The following USP3 variants were observed in gnomAD, a reference collection of about 807,000 sequenced individuals.
The protein encoded by USP3 is ubiquitin specific peptidase 3.
USP3 carries 20 observed loss-of-function variants against 72.3 expected under a neutral mutation model. The observed-to-expected ratio is 0.28, with a 90% confidence interval of 0.19 to 0.40. USP3 has a LOEUF of 0.40. Among genes scored for constraint, USP3 ranks in the 10% least tolerant of loss-of-function variants. The pLI, the probability that USP3 is intolerant of heterozygous loss-of-function variation, is 1.00. For synonymous variants in USP3, 222 were observed against 225.3 expected (o/e 0.99, Z 0.13); for missense variants, 479 against 633.9 (o/e 0.76, Z 2.62).
At chr15:63,536,164 A>G (rs766169116) in intron 2 of USP3, among the ~76,000 whole-genome samples, 1 of 152,218 alleles carries the variant, frequency 6.6e-6, no homozygotes, top group Non-Finnish European at 1.5e-5. Flanking sequence ...ATCTTTGTCC[A>G]TGTAGAGAAA....
intron 9 of USP3, among the ~76,000 whole-genome samples, chr15:63,573,098 A>G (rs1485432915): frequency 1.3e-5 from 2 of 152,194 alleles, no homozygotes; most frequent in Non-Finnish European, 2.9e-5. Context: ...GTATGTCCAT[A>G]CTCTGACACA....
intron 1 of USP3, chr15:63,527,884 G>A (rs1237966737): frequency 2.0e-5 from 3 of 152,248 alleles, no homozygotes; most frequent in East Asian, 3.8e-4. Context: ...AAATGTTTAA[G>A]TGGTTTTAGG....
At chr15:63,578,448 CAA>C (rs760254496) in intron 11 of USP3, among the ~76,000 whole-genome samples, 3 of 131,652 alleles carry the variant, frequency 2.3e-5, no homozygotes, top group African/African-American at 5.6e-5. Flanking sequence ...ACTAAAAATA[CAA>C]AAAAAAAAAA....
intron 1 of USP3, among the ~76,000 whole-genome samples, chr15:63,519,745 C>G (rs1034562900): frequency 3.3e-5 from 5 of 152,134 alleles, no homozygotes; most frequent in Admixed American, 6.5e-5. Context: ...AGGATGATTG[C>G]AAGGTGATGA....
chr15:63,504,853 C>G lies in USP3; in HGVS notation c.91+23C>G, dbSNP rs372714700. 1.5e-5 allele frequency: 24 copies of G among 1,564,410 alleles called. 1 individual carries two copies. The highest frequency in any genetic ancestry group is 1.9e-4 in the Middle Eastern group (1 of 5,278). Reference sequence around the variant, plus strand: ...GCGGTGAGTGCGGCCACGGGCCGGCCCCGCAGCGCACCCGAGGCCGCGGCT... The same window carrying G: ...GCGGTGAGTGCGGCCACGGGCCGGCGCCGCAGCGCACCCGAGGCCGCGGCT... On this transcript the variant is annotated intron_variant, in intron 1 of 14. Transcript: ENST00000380324.
At chr15:63,520,212 C>A (rs1233207278) in intron 1 of USP3, among the ~76,000 whole-genome samples, 1 of 152,098 alleles carries the variant, frequency 6.6e-6, no homozygotes, top group Non-Finnish European at 1.5e-5. Context: ...TATACTGATA[C>A]CTACAATTTC....
intron 1 of USP3, among the ~76,000 whole-genome samples, chr15:63,524,025 A>G (rs2065949260): frequency 1.3e-5 from 2 of 152,246 alleles, no homozygotes; most frequent in South Asian, 2.1e-4. Context: ...TTCTATGGAA[A>G]TAGTGCTTTT....
intron 8 of USP3, among the ~76,000 whole-genome samples, chr15:63,567,168 C>G (rs2066703540): frequency 6.6e-6 from 1 of 152,130 alleles, no homozygotes; most frequent in South Asian, 2.1e-4. Context: ...TTTTCACACT[C>G]AAGCAGGTGC....
At chr15:63,527,438 G>C (rs1470687742) in intron 1 of USP3, among the ~76,000 whole-genome samples, 1 of 152,204 alleles carries the variant, frequency 6.6e-6, no homozygotes, top group East Asian at 1.9e-4. Context: ...TGGCTTACCT[G>C]TCAGTGCCAT....
At chr15:63,513,454 G>A (rs1286143579) in intron 1 of USP3, among the ~76,000 whole-genome samples, 2 of 152,074 alleles carry the variant, frequency 1.3e-5, no homozygotes, top group Non-Finnish European at 2.9e-5. Flanking sequence ...GTCATAGCTC[G>A]TTACAGCCTG....
At position 63,544,242 on chromosome 15, in the gene USP3, G is replaced by A. The variant is rs2066288061; in HGVS notation, c.284+7086G>A. 6.6e-6 allele frequency: 1 copy of A among 150,666 alleles called. No individual in the cohort carries two copies. The highest frequency in any genetic ancestry group is 2.0e-4 in the South Asian group (1 of 4,900). The allele number at this position is 150,666 out of a possible 1,614,324, so 9.3% of individuals were successfully genotyped here. ...ATATATATAGAATATATATAGAGAG[G>A]GTAGTGGATACTCAGTTTTGTGGTT... On this transcript the variant is annotated intron_variant, in intron 3 of 14. Transcript: ENST00000380324. The surrounding 1 kb of genome is among the most constrained non-coding windows in gnomAD (Gnocchi z 4.2).
chr15:63,518,855 T>G (rs2065883298), intron 1 of USP3, among the ~76,000 whole-genome samples: 1 of 151,972 alleles, frequency 6.6e-6, no homozygotes, highest in East Asian at 1.9e-4. Context: ...AAGCTCCGCC[T>G]CCCAGGTTCA....
At chr15:63,534,624 A>G (rs1407221275) in intron 2 of USP3, among the ~76,000 whole-genome samples, 1 of 152,208 alleles carries the variant, frequency 6.6e-6, no homozygotes, top group Non-Finnish European at 1.5e-5. Flanking sequence ...CAGGCAAAAC[A>G]TTGCTAATCT....
At chr15:63,576,591 T>C (rs1449577875) in intron 11 of USP3, among the ~76,000 whole-genome samples, 1 of 152,200 alleles carries the variant, frequency 6.6e-6, no homozygotes, top group Non-Finnish European at 1.5e-5. Flanking sequence ...AAGTGGCAAG[T>C]GGCATCTGCC....
chr15:63,564,671 A>G (rs1442468655), intron 8 of USP3, among the ~76,000 whole-genome samples: 1 of 152,236 alleles, frequency 6.6e-6, no homozygotes, highest in African/African-American at 2.4e-5. Context: ...GAATAAGGTA[A>G]CCAGGCTGAC....
chr15:63,520,957 C>A (rs976748588), intron 1 of USP3, among the ~76,000 whole-genome samples: 1 of 152,068 alleles, frequency 6.6e-6, no homozygotes, highest in Non-Finnish European at 1.5e-5. Context: ...TAAAACTACA[C>A]AAAAAGCTGT....
chr15:63,543,258 G>A (rs74018111), intron 3 of USP3, among the ~76,000 whole-genome samples: 7,284 of 151,996 alleles, frequency 0.048, 194 homozygotes, highest in Middle Eastern at 0.099. Context: ...GGGACAGATC[G>A]TGGTTTACAT....
chr15:63,543,792 C>T (rs182446105), intron 3 of USP3, among the ~76,000 whole-genome samples: 3 of 152,176 alleles, frequency 2.0e-5, no homozygotes, highest in African/African-American at 4.8e-5. Context: ...CTAATAAAAA[C>T]ACAGACTAAT....
intron 2 of USP3, among the ~76,000 whole-genome samples, chr15:63,536,534 A>G (rs1456074257): frequency 6.6e-6 from 1 of 152,140 alleles, no homozygotes; most frequent in Non-Finnish European, 1.5e-5. Context: ...CAATTTGCAT[A>G]GATTATGCCT....
Sources: allele counts gnomAD v4.1 joint callset (sites outside exome capture counted in the v4.1 genomes callset), GRCh38; gene constraint gnomAD v4.1.1; non-coding constraint Gnocchi (gnomAD v3.1); transcripts MANE v1.5; gene names NCBI Gene and HGNC (gene_info 2026-07-23, HGNC 2026-07-21).